Variants in KIDINS220 observed in about 807,000 individuals in gnomAD.
KIDINS220 encodes the protein kinase D interacting substrate 220, also known as kinase D-interacting substrate of 220 kDa.
In KIDINS220, 63 loss-of-function variants were observed where a neutral mutation model predicts 157.6. That is an observed-to-expected ratio of 0.40 (90% CI 0.33 to 0.49). KIDINS220 has a LOEUF of 0.49. KIDINS220 is among the 20% of genes least tolerant of loss of function. The pLI is 0.66. For synonymous variants in KIDINS220, 732 were observed against 783.6 expected (o/e 0.93, Z 1.10); for missense variants, 1,772 against 2,171.2 (o/e 0.82, Z 3.65).
intron 26 of KIDINS220, 115 bp from the exon 27 acceptor site, chr2:8,737,114 A>C (rs1211425150): frequency 2.0e-6 from 2 of 1,018,802 alleles, no homozygotes; most frequent in African/African-American, 1.6e-5. Context: ...GTAAAAAAAA[A>C]CAAATATGTT....
At chr2:8,804,148 C>T (rs1190337145) in intron 7 of KIDINS220, among the ~76,000 whole-genome samples, 1 of 152,218 alleles carries the variant, frequency 6.6e-6, no homozygotes, top group Non-Finnish European at 1.5e-5. Flanking sequence ...CTGCCTCCAC[C>T]AGCACAAAAA....
chr2:8,779,698 G>C lies in KIDINS220; in HGVS notation c.2346C>G (p.Asp782Glu). 1.2e-6 allele frequency: 2 copies of C among 1,614,144 alleles called. No homozygotes were observed. The highest frequency in any genetic ancestry group is 1.7e-6 in the Non-Finnish European group (2 of 1,179,992). Residue 782 changes from aspartate to glutamate, a missense_variant, in exon 18 of 30, where the codon GAC (aspartate) becomes GAG (glutamate). Physicochemically the swap from Asp to Glu is conservative, Grantham distance 45. Around this residue, in one of 3 missense-constraint regions of KIDINS220, gnomAD observed 725 missense variants for 1,017.1 expected, o/e 0.71. Coordinates refer to ENST00000256707, the MANE Select transcript of KIDINS220 (RefSeq NM_020738.4). ...IIDGLDACEQ[D>E]KVLQMLDTVR... ...CAGTGTCCAGCATCTGAAGGACTTT[G>C]TCCTGCTCACAGGCATCTAATCCAT... is the stretch of plus-strand genomic sequence containing the variant.
intron 4 of KIDINS220, among the ~76,000 whole-genome samples, chr2:8,814,841 G>T (rs1323688367): frequency 6.6e-6 from 1 of 152,154 alleles, no homozygotes; most frequent in African/African-American, 2.4e-5. Context: ...CCCCTAGGGG[G>T]TACACCAAGA....
downstream of KIDINS220, chr2:8,727,331 T>A (rs971551318): frequency 2.9e-5 from 27 of 924,606 alleles, no homozygotes; most frequent in Admixed American, 6.9e-4. Context: ...CCAAAGAAGT[T>A]AACTTATGGC....
At chr2:8,722,424 G>C (rs77687402), downstream of KIDINS220, 7 of 152,126 alleles carry the variant, frequency 4.6e-5, no homozygotes, top group African/African-American at 1.4e-4. Flanking sequence ...CACTTCTGGA[G>C]GGTTTAGCAT....
At chr2:8,776,059 A>G (rs773142786) in intron 21 of KIDINS220, among the ~76,000 whole-genome samples, 1 of 152,226 alleles carries the variant, frequency 6.6e-6, no homozygotes, top group Non-Finnish European at 1.5e-5. Context: ...GAGGCTTGAG[A>G]ACTCACTTAA....
At chr2:8,754,949 C>T (rs1050658538) in intron 22 of KIDINS220, among the ~76,000 whole-genome samples, 19 of 152,194 alleles carry the variant, frequency 1.2e-4, no homozygotes, top group Middle Eastern at 3.4e-3. Context: ...AATTTTATTG[C>T]CTTGAAACAA....
At chr2:8,763,214 G>A (rs1186734645) in intron 22 of KIDINS220, among the ~76,000 whole-genome samples, 5 of 152,300 alleles carry the variant, frequency 3.3e-5, no homozygotes, top group Non-Finnish European at 1.5e-5. Flanking sequence ...AAACAGACTT[G>A]GGGAAGCGCA....
intron 21 of KIDINS220, among the ~76,000 whole-genome samples, chr2:8,773,347 C>T (rs888464661): frequency 6.6e-6 from 1 of 152,060 alleles, no homozygotes; most frequent in African/African-American, 2.4e-5. Context: ...ATCTCAGTAT[C>T]AACTATTAAA....
At chr2:8,762,006 T>C (rs1668795348) in intron 22 of KIDINS220, among the ~76,000 whole-genome samples, 1 of 152,242 alleles carries the variant, frequency 6.6e-6, no homozygotes, top group Non-Finnish European at 1.5e-5. Flanking sequence ...GTAATTTTTT[T>C]GGTAAATTGA....
chr2:8,782,998 G>C (rs1045908024), intron 17 of KIDINS220, among the ~76,000 whole-genome samples: 1 of 152,090 alleles, frequency 6.6e-6, no homozygotes, highest in Non-Finnish European at 1.5e-5. Context: ...AGGAGTTCAA[G>C]ACCAGCCTGA....
intron 26 of KIDINS220, among the ~76,000 whole-genome samples, chr2:8,741,947 C>T (rs1033724021): frequency 1.1e-4 from 17 of 152,180 alleles, no homozygotes; most frequent in African/African-American, 3.4e-4. Context: ...TGTGCAAAGT[C>T]GCTGAGAGCT....
downstream of KIDINS220, chr2:8,724,607 A>G (rs13418818): frequency 6.6e-6 from 1 of 151,942 alleles, no homozygotes; most frequent in Non-Finnish European, 1.5e-5. The surrounding 1 kb of genome is among the most constrained non-coding windows in gnomAD (Gnocchi z 4.6). Flanking sequence ...CCCCTAGTTT[A>G]TTCATTCACT....
chr2:8,837,160 G>GA (rs1031647508), intron 1 of KIDINS220, among the ~76,000 whole-genome samples: 3 of 151,486 alleles, frequency 2.0e-5, no homozygotes, highest in East Asian at 1.9e-4. Flanking sequence ...CTTGGCAAAA[G>GA]AAAAAAAACG....
In KIDINS220 at chr2:8,779,027, A is replaced by T; in HGVS notation, c.2483T>A (p.Ile828Lys). The stretch of plus-strand genomic sequence containing the variant: ...GTTGCGCATGTAGTCATGGCCATTT[A>T]TATTTGAATCCCGAAGCACACTATT... ...NLNSVLRDSN[I>K]NGHDYMRNIV... The change falls in exon 19 of 30, where the codon ATA becomes AAA. Residue 828 changes from isoleucine to lysine, a missense_variant. Around this residue, in one of 3 missense-constraint regions of KIDINS220, gnomAD observed 725 missense variants for 1,017.1 expected, o/e 0.71. Transcript: ENST00000256707. The T allele has an allele frequency of 6.2e-7, 1 of 1,614,148 alleles. No homozygotes were observed. The highest frequency in any genetic ancestry group is 8.5e-7 in the Non-Finnish European group (1 of 1,180,032).
rs376079231 is a variant in KIDINS220, at chr2:8,750,283, C to T, written c.3243G>A (p.Pro1081=). ...TAGGAGGACCCTCATGTAGAGGGAG[C>T]GGGGGGTACGCCAGTCCTCCAATAC... ...QISIGGLAYP[P]LPLHEGPPRA... The change falls in exon 24 of 30, where the codon CCG becomes CCA. Residue 1081 remains proline, a synonymous_variant. Transcript: ENST00000256707. 62 of 1,612,822 alleles carry T rather than the reference C, an allele frequency of 3.8e-5. No homozygotes were observed. Among genetic ancestry groups the T allele is most frequent in the Non-Finnish European group, 4.9e-5 (58 of 1,179,466 alleles).
chr2:8,810,983 TG>T (rs1339710068), intron 6 of KIDINS220, among the ~76,000 whole-genome samples: 1 of 152,220 alleles, frequency 6.6e-6, no homozygotes, highest in East Asian at 1.9e-4. Context: ...AGGTATAACA[TG>T]CACAAAGTGC....
At chr2:8,824,523 T>C (rs1678462430) in intron 2 of KIDINS220, among the ~76,000 whole-genome samples, 1 of 151,646 alleles carries the variant, frequency 6.6e-6, no homozygotes, top group Non-Finnish European at 1.5e-5. Context: ...TCGACTAAGA[T>C]ACAAAAAATT....
intron 1 of KIDINS220, among the ~76,000 whole-genome samples, chr2:8,836,600 T>C (rs575259927): frequency 6.6e-6 from 1 of 152,226 alleles, no homozygotes; most frequent in Non-Finnish European, 1.5e-5. Context: ...CTAGTAAAGC[T>C]AGAAGAGAAC....
Sources: allele counts gnomAD v4.1 joint callset (sites outside exome capture counted in the v4.1 genomes callset), GRCh38; gene constraint gnomAD v4.1.1; regional missense constraint gnomAD v4.1.1; non-coding constraint Gnocchi (gnomAD v3.1); transcripts MANE v1.5; gene names NCBI Gene and HGNC (gene_info 2026-07-23, HGNC 2026-07-21).